SHISA6: variants seen among roughly 807,000 people sequenced by gnomAD.
The protein encoded by SHISA6 is shisa family member 6.
In SHISA6, 22 loss-of-function variants were observed where a neutral mutation model predicts 47.9. That is an observed-to-expected ratio of 0.46 (90% CI 0.33 to 0.66). The LOEUF is 0.66. Among genes scored for constraint, SHISA6 ranks in the 30% least tolerant of loss-of-function variants. The pLI, the probability that SHISA6 is intolerant of heterozygous loss-of-function variation, is 0.02. For synonymous variants in SHISA6, 388 were observed against 337.8 expected (o/e 1.15, Z -1.63); for missense variants, 680 against 764.6 (o/e 0.89, Z 1.30).
In SHISA6 at chr17:11,415,080, A is replaced by AG. The variant is rs1468363815; in HGVS notation, c.895+35571_895+35572insG. On this transcript the variant is annotated intron_variant, in intron 3 of 5. Transcript: ENST00000441885. ...GGCGACAAGAGCAAAACTCCATCTA[A>AG]AAAAAAAAAAAGAAAGAAAGAAAAA... 2.7e-5 allele frequency among the ~76,000 whole-genome samples: 4 copies of AG among 146,994 alleles called. No individual in the cohort carries two copies. In the East Asian group the frequency reaches 7.9e-4, roughly 29 times the overall value.
chr17:11,506,411 A>G (rs2142351118), intron 3 of SHISA6, among the ~76,000 whole-genome samples: 1 of 152,304 alleles, frequency 6.6e-6, no homozygotes, highest in Middle Eastern at 3.4e-3. Flanking sequence ...CACACAAGTA[A>G]TTTAACATCA....
intron 1 of SHISA6, among the ~76,000 whole-genome samples, chr17:11,260,414 T>TG (rs1473129956): frequency 3.3e-5 from 5 of 152,050 alleles, no homozygotes; most frequent in East Asian, 1.9e-4. Flanking sequence ...GTCGTCCACA[T>TG]GGGGGGTGAC....
At chr17:11,353,262 G>A (rs533240340) in intron 2 of SHISA6, among the ~76,000 whole-genome samples, 1 of 152,214 alleles carries the variant, frequency 6.6e-6, no homozygotes, top group African/African-American at 2.4e-5. Context: ...TTCGAGGCCA[G>A]CCTGGCCAAG....
At chr17:11,295,268 A>C (rs1035841454) in intron 2 of SHISA6, among the ~76,000 whole-genome samples, 8 of 152,226 alleles carry the variant, frequency 5.3e-5, no homozygotes, top group African/African-American at 1.7e-4. Flanking sequence ...GGAGTACCAT[A>C]GTCACAATTG....
At chr17:11,479,754 A>G (rs550086560) in intron 3 of SHISA6, among the ~76,000 whole-genome samples, 2 of 152,010 alleles carry the variant, frequency 1.3e-5, no homozygotes, top group South Asian at 2.1e-4. Context: ...TATATAATAT[A>G]TATACATACA....
At chr17:11,520,802 C>T (rs1044546416) in intron 3 of SHISA6, among the ~76,000 whole-genome samples, 1 of 152,152 alleles carries the variant, frequency 6.6e-6, no homozygotes, top group Non-Finnish European at 1.5e-5. Context: ...CCCTAATAGA[C>T]ACCACCTCCT....
At chr17:11,312,972 C>G (rs115823188) in intron 2 of SHISA6, among the ~76,000 whole-genome samples, 51 of 152,282 alleles carry the variant, frequency 3.3e-4, no homozygotes, top group African/African-American at 1.2e-3. Context: ...ACAAAAACAA[C>G]GATTTGATTT....
chr17:11,268,212 G>C (rs1908502210), intron 2 of SHISA6, among the ~76,000 whole-genome samples: 1 of 152,106 alleles, frequency 6.6e-6, no homozygotes, highest in Admixed American at 6.5e-5. Flanking sequence ...TTGTATAAAA[G>C]AACAGCCAGT....
rs111553282 is a variant in SHISA6, at chr17:11,498,462, G to A, written c.896-53434G>A. 6.0e-3 allele frequency among the ~76,000 whole-genome samples: 917 copies of A among 152,264 alleles called. 13 individuals are homozygous for A. The highest frequency in any genetic ancestry group is 0.021 in the African/African-American group (852 of 41,534). On this transcript the variant is annotated intron_variant, in intron 3 of 5. Transcript: ENST00000441885. ...GAACTAGTGTTCAATAATACAGTGG[G>A]GTGACTATAGTTAATAATTTGTTGT...
intron 2 of SHISA6, among the ~76,000 whole-genome samples, chr17:11,318,728 C>T (rs1045165408): frequency 2.6e-5 from 4 of 152,196 alleles, no homozygotes; most frequent in South Asian, 2.1e-4. Context: ...TATCTACCAT[C>T]GTTCTTCACA....
intron 3 of SHISA6, among the ~76,000 whole-genome samples, chr17:11,405,623 GAAACCCTGTCTCCACTAA>G (rs1913926080): frequency 6.6e-6 from 1 of 152,060 alleles, no homozygotes; most frequent in Non-Finnish European, 1.5e-5. Flanking sequence ...CCAACATGGT[GAAACCCTGTCTCCACTAA>G]AAATACAAAA....
intron 3 of SHISA6, among the ~76,000 whole-genome samples, chr17:11,390,690 C>T (rs928734280): frequency 3.9e-5 from 6 of 152,146 alleles, no homozygotes; most frequent in African/African-American, 1.2e-4. Context: ...ATTCTATATC[C>T]TGCATGTTGG....
intron 2 of SHISA6, among the ~76,000 whole-genome samples, chr17:11,322,973 G>A (rs1597457879): frequency 6.6e-6 from 1 of 152,248 alleles, no homozygotes; most frequent in East Asian, 1.9e-4. Context: ...GGCAGAAAGA[G>A]TTAAACTAGG....
chr17:11,482,849 G>A (rs76602501), intron 3 of SHISA6, among the ~76,000 whole-genome samples: 2,537 of 152,118 alleles, frequency 0.017, 70 homozygotes, highest in African/African-American at 0.056. Context: ...ATTAATGACT[G>A]TCATCATCAT....
chr17:11,396,638 A>G (rs925128245), intron 3 of SHISA6, among the ~76,000 whole-genome samples: 1 of 152,232 alleles, frequency 6.6e-6, no homozygotes, highest in Non-Finnish European at 1.5e-5. Flanking sequence ...AAACTAACAC[A>G]GGAACAGAAA....
chr17:11,515,683 C>T (rs1395074919), intron 3 of SHISA6, among the ~76,000 whole-genome samples: 1 of 152,082 alleles, frequency 6.6e-6, no homozygotes, highest in Non-Finnish European at 1.5e-5. Context: ...CCATGTGGGT[C>T]AGACGCTGAC....
At chr17:11,475,060 G>A (rs1916021354) in intron 3 of SHISA6, among the ~76,000 whole-genome samples, 1 of 151,862 alleles carries the variant, frequency 6.6e-6, no homozygotes, top group African/African-American at 2.4e-5. Flanking sequence ...CACACATTTT[G>A]TTAGATTTAT....
At chr17:11,553,776 C>T (rs2071951098) in intron 4 of SHISA6, among the ~76,000 whole-genome samples, 1 of 152,184 alleles carries the variant, frequency 6.6e-6, no homozygotes, top group Admixed American at 6.5e-5. Context: ...TCCACAATCC[C>T]AACTCAAGTC....
At chr17:11,278,466 ATAAGGCAATCACT>A (rs1382185759) in intron 2 of SHISA6, among the ~76,000 whole-genome samples, 15 of 152,236 alleles carry the variant, frequency 9.9e-5, no homozygotes, top group Admixed American at 6.5e-5. Flanking sequence ...TTGAGTGAAG[ATAAGGCAATCACT>A]TTAGATTATT....
Sources: allele counts gnomAD v4.1 joint callset (sites outside exome capture counted in the v4.1 genomes callset), GRCh38; gene constraint gnomAD v4.1.1; transcripts MANE v1.5; gene names NCBI Gene and HGNC (gene_info 2026-07-23, HGNC 2026-07-21).